Variants in RASSF2 observed in about 807,000 individuals in gnomAD.
RASSF2 encodes the protein ras association domain-containing protein 2.
Under a neutral mutation model 46.3 loss-of-function variants are expected in RASSF2, and 34 were observed. The observed-to-expected ratio is 0.73, with a 90% CI of 0.56 to 0.98. The LOEUF is 0.98. RASSF2 is among the 50% of genes least tolerant of loss of function. The pLI is 0.00. For missense variants in RASSF2, 364 were observed against 431.2 expected (o/e 0.84, Z 1.38); for synonymous variants, 158 against 162.5 (o/e 0.97, Z 0.21).
chr20:4,787,220 A>C (rs1475256151), intron 10 of RASSF2, among the ~76,000 whole-genome samples: 1 of 152,168 alleles, frequency 6.6e-6, no homozygotes, highest in Non-Finnish European at 1.5e-5. Flanking sequence ...TGGACATGAC[A>C]CACCAAATCT....
intron 4 of RASSF2, 124 bp from the exon 5 acceptor site, chr20:4,796,090 G>T: frequency 9.6e-7 from 1 of 1,038,910 alleles, no homozygotes; most frequent in Non-Finnish European, 1.3e-6. Context: ...TGTATTCACA[G>T]GATAGGGGCA....
intron 2 of RASSF2, among the ~76,000 whole-genome samples, chr20:4,815,740 G>A (rs966553771): frequency 6.6e-6 from 1 of 152,208 alleles, no homozygotes; most frequent in Non-Finnish European, 1.5e-5. Flanking sequence ...AGCAGCAGTG[G>A]GTCTGGGCCC....
At chr20:4,785,358 A>G (rs1203819034) in intron 11 of RASSF2, among the ~76,000 whole-genome samples, 1 of 151,984 alleles carries the variant, frequency 6.6e-6, no homozygotes, top group Non-Finnish European at 1.5e-5. Context: ...CAAAACAACA[A>G]CAACAACAAC....
Position 4,795,216 on chromosome 20 carries a change from C to T in RASSF2, c.287+599G>A, listed in dbSNP as rs2423002. On this transcript the variant is annotated intron_variant, in intron 5 of 11. Transcript: ENST00000379400. The surrounding 1 kb of genome is among the most constrained non-coding windows in gnomAD (Gnocchi z 4.0). ...ATAAGGAGGGATGGACTAGGTCTTCCCAGCCCTTCTGGTGGGAACTTAGAC... is the reference window on the plus strand; with the variant it reads ...ATAAGGAGGGATGGACTAGGTCTTCTCAGCCCTTCTGGTGGGAACTTAGAC... The T allele has an allele frequency of 0.42, 64,275 of 152,154 alleles. 13,772 individuals are homozygous for T. The highest frequency in any genetic ancestry group is 0.47 in the African/African-American group (19,469 of 41,514). 9.4% of individuals were successfully genotyped at this position (152,154 alleles called of 1,614,324 possible). A position where few individuals can be genotyped will look rare whatever the true frequency, so the allele number is the denominator to read the frequency against.
chr20:4,816,597 C>T (rs182374871), intron 2 of RASSF2, among the ~76,000 whole-genome samples: 11 of 152,068 alleles, frequency 7.2e-5, no homozygotes, highest in Admixed American at 2.0e-4. Context: ...CACTTAGAAA[C>T]GGTTAAAAGG....
At chr20:4,786,085 C>T (rs926129839) in intron 11 of RASSF2, 146 bp downstream of exon 11, 1 of 689,732 alleles carries the variant, frequency 1.4e-6, no homozygotes, top group African/African-American at 1.8e-5. Context: ...ACTTGAAATC[C>T]AGGTTTGTCA....
intron 2 of RASSF2, among the ~76,000 whole-genome samples, chr20:4,820,999 C>T (rs199880326): frequency 1.3e-5 from 2 of 152,126 alleles, no homozygotes; most frequent in African/African-American, 4.8e-5. Flanking sequence ...CAAGCAGCGT[C>T]GTCCAGCCCT....
intron 11 of RASSF2, among the ~76,000 whole-genome samples, chr20:4,785,935 G>A (rs1925295021): frequency 1.3e-5 from 2 of 152,156 alleles, no homozygotes; most frequent in Middle Eastern, 3.2e-3. Flanking sequence ...TCTGCATCTA[G>A]ACCCCAAAGA....
chr20:4,781,757 T>A lies in RASSF2; in HGVS notation c.*2516A>T, dbSNP rs1302242015. ...ACAAGTTGGAAAAAAAACCCAACCC[T>A]ATAAACTGGTCTTTTGTCCTTTACA... On this transcript the variant is annotated 3_prime_UTR_variant, in exon 12 of 12. Transcript: ENST00000379400. 2.6e-5 allele frequency: 4 copies of A among 152,156 alleles called. No homozygotes were observed. The highest frequency in any genetic ancestry group is 9.7e-5 in the African/African-American group (4 of 41,430). 9.4% of individuals were successfully genotyped at this position (152,156 alleles called of 1,614,324 possible). A position where few individuals can be genotyped will look rare whatever the true frequency, so the allele number is the denominator to read the frequency against.
At chr20:4,797,693 G>C (rs775672972) in intron 4 of RASSF2, among the ~76,000 whole-genome samples, 6 of 152,124 alleles carry the variant, frequency 3.9e-5, no homozygotes, top group Non-Finnish European at 8.8e-5. Context: ...CCCAACGAGA[G>C]AACGTCTGCT....
Position 4,786,325 on chromosome 20 carries a change from C to T in RASSF2, c.817G>A (p.Ala273Thr). The stretch of plus-strand genomic sequence containing the variant: ...GGCATCTCGAACTTTATATACTGGG[C>T]CACCTAGAGAGAAAGAAGCAAGTCT... Reference protein sequence around the residue: ...DQVEEVTYDVAQYIKFEMPVL... With the variant: ...DQVEEVTYDVTQYIKFEMPVL... Residue 273 changes from alanine (A) to threonine (T), a missense_variant, in exon 11 of 12, where the codon GCC becomes ACC. Transcript: ENST00000379400. 1 of 1,600,822 alleles carries T rather than the reference C, an allele frequency of 6.2e-7. No individual in the cohort carries two copies. Among genetic ancestry groups the T allele is most frequent in the Non-Finnish European group, 8.6e-7 (1 of 1,167,998 alleles).
At chr20:4,789,325 TG>T (rs926868088) in intron 8 of RASSF2, among the ~76,000 whole-genome samples, 79 of 152,248 alleles carry the variant, frequency 5.2e-4, no homozygotes, top group African/African-American at 1.8e-3. Context: ...CCTGCAGGCT[TG>T]TTAGACGGCG....
Position 4,790,123 on chromosome 20 carries a change from G to C in RASSF2, c.537+328C>G, listed in dbSNP as rs916814452. Reference sequence around the variant, plus strand: ...CTGGGGGCACAGTGTGCAGGAAGAGGGTAACACGTGGATTTTCTTGGGAGA... The same window carrying C: ...CTGGGGGCACAGTGTGCAGGAAGAGCGTAACACGTGGATTTTCTTGGGAGA... On this transcript the variant is annotated intron_variant, in intron 7 of 11. Transcript: ENST00000379400. The surrounding 1 kb of genome is among the most constrained non-coding windows in gnomAD (Gnocchi z 4.3). 1.3e-5 allele frequency among the ~76,000 whole-genome samples: 2 copies of C among 152,166 alleles called. No individual in the cohort carries two copies. The highest frequency in any genetic ancestry group is 1.3e-4 in the Admixed American group (2 of 15,278).
At chr20:4,793,753 T>C (rs1178212058) in intron 5 of RASSF2, among the ~76,000 whole-genome samples, 1 of 152,150 alleles carries the variant, frequency 6.6e-6, no homozygotes, top group Non-Finnish European at 1.5e-5. Context: ...GTGCTGGGAT[T>C]ATAGGCACGA....
intron 2 of RASSF2, among the ~76,000 whole-genome samples, chr20:4,815,345 A>T (rs1928217652): frequency 6.6e-6 from 1 of 151,604 alleles, no homozygotes; most frequent in Non-Finnish European, 1.5e-5. Context: ...GAGCTGTAAG[A>T]CCCTACACGG....
At chr20:4,801,175 C>A in intron 2 of RASSF2, 113 bp from the exon 3 acceptor site, 1 of 727,248 alleles carries the variant, frequency 1.4e-6, no homozygotes. Context: ...CTCCGTTCCT[C>A]CCCACCCAGA....
chr20:4,795,678 G>C lies in RASSF2; in HGVS notation c.287+137C>G. On this transcript the variant is annotated intron_variant, in intron 5 of 11. Coordinates refer to ENST00000379400, the MANE Select transcript of RASSF2 (RefSeq NM_014737.3). This position sits in a 1 kb window ranked among gnomAD's most constrained non-coding sequence, Gnocchi z 4.0. Reference sequence around the variant, plus strand: ...GCTTGTTCCTCATTCCAAGGCTAAGGCAGGTGGGCAGTAGAGGTAGTAGGA... The same window carrying C: ...GCTTGTTCCTCATTCCAAGGCTAAGCCAGGTGGGCAGTAGAGGTAGTAGGA... The C allele has an allele frequency of 9.4e-7, 1 of 1,058,598 alleles. No homozygotes were observed. Among genetic ancestry groups the C allele is most frequent in the Non-Finnish European group, 1.3e-6 (1 of 745,672 alleles). 65.6% of individuals were successfully genotyped at this position (1,058,598 alleles called of 1,614,324 possible). A position where few individuals can be genotyped will look rare whatever the true frequency, so the allele number is the denominator to read the frequency against.
In RASSF2 at chr20:4,797,897, A is replaced by G. The variant is rs1601103658; in HGVS notation, c.135+113T>C. 3.3e-6 allele frequency: 5 copies of G among 1,493,020 alleles called. No homozygotes were observed. In the East Asian group the frequency reaches 1.2e-4, roughly 36 times the overall value. 92.5% of individuals were successfully genotyped at this position (1,493,020 alleles called of 1,614,324 possible). Reference sequence around the variant, plus strand: ...CCAAGGACTCTCACTAGCAACCTAAATAAGAAGCAGGAGAGGCAGGGTTCT... The same window carrying G: ...CCAAGGACTCTCACTAGCAACCTAAGTAAGAAGCAGGAGAGGCAGGGTTCT... On this transcript the variant is annotated intron_variant, in intron 4 of 11. Coordinates refer to ENST00000379400, the MANE Select transcript of RASSF2 (RefSeq NM_014737.3).
chr20:4,787,075 T>TA (rs1925423970), intron 10 of RASSF2, among the ~76,000 whole-genome samples: 1 of 151,340 alleles, frequency 6.6e-6, no homozygotes, highest in South Asian at 2.1e-4. Context: ...AAAAAAAAGT[T>TA]AAAAAATGGC....
Sources: gnomAD v4.1 joint callset for allele counts (sites outside exome capture counted in the v4.1 genomes callset) on GRCh38, gnomAD v4.1.1 for gene constraint, Gnocchi (gnomAD v3.1) non-coding constraint, MANE v1.5 for transcripts, NCBI Gene and HGNC (gene_info 2026-07-23, HGNC 2026-07-21) for gene names.